Variants in ASIC2 observed in about 807,000 individuals in gnomAD.
The protein encoded by ASIC2 is acid-sensing ion channel 2.
In ASIC2, 25 loss-of-function variants were observed where a neutral mutation model predicts 57.3. That is an observed-to-expected ratio of 0.44 (90% confidence interval 0.32 to 0.61). The LOEUF (loss-of-function observed/expected upper bound fraction) is 0.61, where lower values mean the gene tolerates loss of function less well. Ranked by LOEUF, ASIC2 falls within the 20% of genes least tolerant of loss-of-function variation. The probability of loss-of-function intolerance (pLI) is 0.06; values close to 1 mark genes in which losing one functional copy is unlikely to be tolerated. For missense variants in ASIC2, 641 were observed against 738.1 expected, an observed-to-expected ratio of 0.87 and a Z score of 1.52; for synonymous variants, 319 against 307.5, an observed-to-expected ratio of 1.04 and a Z score of -0.39.
intron 1 of ASIC2, among the ~76,000 whole-genome samples, chr17:33,578,785 T>A (rs549918206): frequency 5.5e-5 from 6 of 109,144 alleles, no homozygotes; most frequent in Admixed American, 3.4e-4. Flanking sequence ...TTTCGCATAA[T>A]CCTAAGATTA....
rs568861464 is a variant in ASIC2 at position 33,778,008 on chromosome 17, C to A, written c.555+377970G>T. Among the ~76,000 whole-genome samples the A allele has an allele frequency of 3.9e-5, 6 of 152,246 alleles. No individual in the cohort carries two copies. The South Asian group carries it at 1.2e-3, about 32-fold the overall frequency. On this transcript the variant is annotated intron_variant, in intron 1 of 9. Coordinates refer to the ASIC2 transcript ENST00000359872. ...GTGGCCCTTCTCAGGATAGCACTAT[C>A]AATGACCTTACTCGTGGGCCTTCCG...
At chr17:33,244,940 G>A (rs1908637774) in intron 1 of ASIC2, among the ~76,000 whole-genome samples, 1 of 152,122 alleles carries the variant, frequency 6.6e-6, no homozygotes, top group African/African-American at 2.4e-5. Flanking sequence ...TGTGATCTTG[G>A]GTAAGACCCT....
At chr17:34,023,095 T>C (rs1408057667) in intron 1 of ASIC2, among the ~76,000 whole-genome samples, 1 of 152,176 alleles carries the variant, frequency 6.6e-6, no homozygotes, top group Non-Finnish European at 1.5e-5. Context: ...CCTGTGGAAC[T>C]GAGAGTCAAT....
At chr17:33,878,852 A>G (rs1400263895) in intron 1 of ASIC2, among the ~76,000 whole-genome samples, 2 of 152,232 alleles carry the variant, frequency 1.3e-5, no homozygotes, top group Non-Finnish European at 2.9e-5. Context: ...AAGGGCAGCC[A>G]GAGAGAAAGG....
intron 1 of ASIC2, among the ~76,000 whole-genome samples, chr17:34,102,823 T>C (rs1418227420): frequency 6.6e-6 from 1 of 152,236 alleles, no homozygotes; most frequent in East Asian, 1.9e-4. Context: ...TTTGCATTTC[T>C]CTTGGATTAA....
At chr17:33,636,210 G>T (rs138305210) in intron 1 of ASIC2, among the ~76,000 whole-genome samples, 139 of 152,278 alleles carry the variant, frequency 9.1e-4, no homozygotes, top group African/African-American at 3.2e-3. Context: ...TACAGGGAAA[G>T]GTGTCAAAAT....
chr17:33,064,753 C>T (rs752432859), intron 3 of ASIC2, among the ~76,000 whole-genome samples: 7 of 152,222 alleles, frequency 4.6e-5, no homozygotes, highest in East Asian at 1.9e-4. Context: ...CCATCTTCTG[C>T]GTCACTCACG....
intron 1 of ASIC2, among the ~76,000 whole-genome samples, chr17:33,762,341 G>A (rs942750115): frequency 3.9e-5 from 6 of 152,176 alleles, no homozygotes; most frequent in Non-Finnish European, 7.3e-5. Flanking sequence ...TCCATGTTTT[G>A]GATGGGGAGA....
chr17:33,028,885 T>C (rs534750657), intron 3 of ASIC2, among the ~76,000 whole-genome samples: 1 of 152,340 alleles, frequency 6.6e-6, no homozygotes, highest in African/African-American at 2.4e-5. Flanking sequence ...CAGAATGAAA[T>C]GGCTCTAGGC....
intron 1 of ASIC2, among the ~76,000 whole-genome samples, chr17:34,074,250 T>C (rs1299055619): frequency 6.6e-6 from 1 of 152,190 alleles, no homozygotes; most frequent in African/African-American, 2.4e-5. Context: ...AGGATCTCTG[T>C]GCTGCCATTA....
chr17:34,103,310 C>T (rs1910933421), intron 1 of ASIC2, among the ~76,000 whole-genome samples: 1 of 151,662 alleles, frequency 6.6e-6, no homozygotes, highest in Admixed American at 6.6e-5. Flanking sequence ...AATGCCTGGC[C>T]AATTTTTTAT....
At chr17:33,657,631 G>A (rs993599471) in intron 1 of ASIC2, among the ~76,000 whole-genome samples, 1 of 152,014 alleles carries the variant, frequency 6.6e-6, no homozygotes, top group Non-Finnish European at 1.5e-5. Flanking sequence ...GGAATGGAAG[G>A]TGGGAGCAGT....
At chr17:33,083,061 G>A (rs1322002709) in intron 3 of ASIC2, among the ~76,000 whole-genome samples, 1 of 152,226 alleles carries the variant, frequency 6.6e-6, no homozygotes, top group Admixed American at 6.5e-5. Context: ...TCAGGGAGAC[G>A]GGCTTTCAGG....
chr17:34,128,574 G>A (rs1262936844), intron 1 of ASIC2, among the ~76,000 whole-genome samples: 2 of 151,828 alleles, frequency 1.3e-5, no homozygotes, highest in South Asian at 2.1e-4. Context: ...CCTTTCAGTG[G>A]AGAAGGGAAA....
rs560016922 is a variant in ASIC2, at chr17:33,447,308, A to G, written c.556-335241T>C. 3.3e-5 allele frequency among the ~76,000 whole-genome samples: 5 copies of G among 152,318 alleles called. No homozygotes were observed. In the South Asian group the frequency reaches 1.0e-3, roughly 32 times the overall value. On this transcript the variant is annotated intron_variant, in intron 1 of 9. Coordinates refer to the ASIC2 transcript ENST00000359872. ...AGAGCCAGAGTCTGTCTCTGGTGGC[A>G]AGTGTGTCCCAGGTGACCTGCCTAG...
At chr17:33,546,794 G>A (rs1358154919) in intron 1 of ASIC2, among the ~76,000 whole-genome samples, 1 of 152,160 alleles carries the variant, frequency 6.6e-6, no homozygotes, top group East Asian at 1.9e-4. Context: ...TTATATACGT[G>A]TAGCTGGCAC....
At chr17:33,470,776 C>T (rs1461498402) in intron 1 of ASIC2, among the ~76,000 whole-genome samples, 1 of 152,232 alleles carries the variant, frequency 6.6e-6, no homozygotes, top group Admixed American at 6.5e-5. Flanking sequence ...CCTGCCCATA[C>T]AGGTGAAATA....
intron 1 of ASIC2, among the ~76,000 whole-genome samples, chr17:33,505,331 G>C (rs552867138): frequency 6.6e-6 from 1 of 151,964 alleles, no homozygotes; most frequent in African/African-American, 2.4e-5. Flanking sequence ...AGTTAACTTA[G>C]ACCCCTTTCT....
At chr17:33,840,428 C>T (rs1597897922) in intron 1 of ASIC2, among the ~76,000 whole-genome samples, 1 of 152,170 alleles carries the variant, frequency 6.6e-6, no homozygotes, top group African/African-American at 2.4e-5. Context: ...TATGCTAAGG[C>T]ATGAAGGAGT....
Sources: gnomAD v4.1 joint callset for allele counts (sites outside exome capture counted in the v4.1 genomes callset) on GRCh38, gnomAD v4.1.1 for gene constraint, MANE v1.5 for transcripts, NCBI Gene and HGNC (gene_info 2026-07-23, HGNC 2026-07-21) for gene names.